The following NOL4 variants were observed in gnomAD, a reference collection of about 807,000 sequenced individuals.
NOL4 encodes cancer/testis antigen 125.
Under a neutral mutation model 75.9 loss-of-function variants are expected in NOL4, and 17 were observed. That is an observed-to-expected ratio of 0.22 (90% CI 0.15 to 0.34). The LOEUF is 0.34. Among genes scored for constraint, NOL4 ranks in the 10% least tolerant of loss-of-function variants. The pLI is 1.00. For synonymous variants in NOL4, 292 were observed against 289.9 expected, an observed-to-expected ratio of 1.01 and a Z score of -0.07; for missense variants, 614 against 793.5, an observed-to-expected ratio of 0.77 and a Z score of 2.72.
At chr18:33,927,721 T>TA (rs1347671277) in intron 9 of NOL4, among the ~76,000 whole-genome samples, 2 of 151,768 alleles carry the variant, frequency 1.3e-5, no homozygotes, top group Admixed American at 6.6e-5. Flanking sequence ...AAAATACAAG[T>TA]AAAAAAAAGT....
chr18:34,094,286 G>A lies in NOL4; in HGVS notation c.640-689C>T, dbSNP rs1365673380. Among the ~76,000 whole-genome samples the A allele has an allele frequency of 2.0e-5, 3 of 152,088 alleles. 1 individual carries two copies. Among genetic ancestry groups the A allele is most frequent in the African/African-American group, 7.2e-5 (3 of 41,426 alleles). On this transcript the variant is annotated intron_variant, in intron 4 of 10. Transcript: ENST00000261592. ...ATAAAAAAATTTTCATTGGCAAACA[G>A]GATAGATTCTAATATAGCCAACTTA...
intron 8 of NOL4, among the ~76,000 whole-genome samples, chr18:33,952,407 G>A (rs1023485812): frequency 5.3e-5 from 8 of 152,106 alleles, no homozygotes; most frequent in Admixed American, 5.2e-4. Flanking sequence ...ATGAACTAAG[G>A]TTTGAAAGAA....
intron 6 of NOL4, among the ~76,000 whole-genome samples, chr18:33,986,150 C>T (rs1224981549): frequency 6.6e-6 from 1 of 151,994 alleles, no homozygotes; most frequent in African/African-American, 2.4e-5. Flanking sequence ...CTTTATGAGG[C>T]AAACCATGTT....
intron 10 of NOL4, among the ~76,000 whole-genome samples, chr18:33,861,891 A>C (rs888031504): frequency 1.3e-5 from 2 of 152,102 alleles, no homozygotes; most frequent in East Asian, 1.9e-4. Context: ...GCTACCAATG[A>C]CTTTCTTCAC....
At chr18:34,194,880 C>T (rs1319699596) in intron 1 of NOL4, among the ~76,000 whole-genome samples, 3 of 151,628 alleles carry the variant, frequency 2.0e-5, no homozygotes, top group East Asian at 1.9e-4. Flanking sequence ...CAAAATTAGC[C>T]GGGCGTGGTA....
intron 9 of NOL4, among the ~76,000 whole-genome samples, chr18:33,930,778 A>G (rs1046656857): frequency 6.6e-6 from 1 of 152,246 alleles, no homozygotes; most frequent in Middle Eastern, 3.4e-3. Flanking sequence ...CAGAAATTTA[A>G]TTTATGATAG....
chr18:34,129,153 G>T (rs1201593267), intron 2 of NOL4, among the ~76,000 whole-genome samples: 1 of 151,772 alleles, frequency 6.6e-6, no homozygotes, highest in African/African-American at 2.4e-5. Flanking sequence ...AAAGTGTCTA[G>T]ATCAAACTGT....
chr18:34,211,969 G>A (rs1343228754), intron 1 of NOL4, among the ~76,000 whole-genome samples: 1 of 151,722 alleles, frequency 6.6e-6, no homozygotes, highest in African/African-American at 2.4e-5. Context: ...ATTATAGAAT[G>A]GTTATTTCTA....
chr18:34,173,611 C>G (rs774498194), intron 1 of NOL4, among the ~76,000 whole-genome samples: 25 of 152,142 alleles, frequency 1.6e-4, no homozygotes, highest in Non-Finnish European at 3.2e-4. Flanking sequence ...AGGAAAAAAT[C>G]AATTTCCCTC....
chr18:34,115,377 C>A (rs1234412352), intron 2 of NOL4, among the ~76,000 whole-genome samples: 1 of 152,074 alleles, frequency 6.6e-6, no homozygotes, highest in Non-Finnish European at 1.5e-5. Flanking sequence ...TAGCTCCCTG[C>A]AACCTCAAAG....
intron 8 of NOL4, among the ~76,000 whole-genome samples, chr18:33,943,397 T>C (rs987773168): frequency 1.3e-5 from 2 of 151,986 alleles, no homozygotes; most frequent in Non-Finnish European, 2.9e-5. Context: ...AGATCCATCA[T>C]TCATTCCCAT....
chr18:34,097,705 G>A (rs909096009), intron 4 of NOL4, among the ~76,000 whole-genome samples: 2 of 152,092 alleles, frequency 1.3e-5, no homozygotes, highest in African/African-American at 4.8e-5. Flanking sequence ...CTTAGGCAGT[G>A]CATAACTGAC....
rs879423963 is a variant in NOL4, at chr18:34,214,324, G to A, written c.264+8666C>T. On this transcript the variant is annotated intron_variant, in intron 1 of 10. Transcript: ENST00000261592. Reference sequence around the variant, plus strand: ...TACTTTTAAATATAGTTTATAATGGGTTAAGTATTGGTAGAGTGTTATATA... The same window carrying A: ...TACTTTTAAATATAGTTTATAATGGATTAAGTATTGGTAGAGTGTTATATA... Among the ~76,000 whole-genome samples, 4 of 139,618 alleles carry A rather than the reference G, an allele frequency of 2.9e-5. No homozygotes were observed. In the South Asian group the frequency reaches 9.4e-4, roughly 33 times the overall value. The allele number at this position is 139,618 out of a possible 152,430, so 91.6% of individuals were successfully genotyped here.
At chr18:34,195,783 T>C (rs530213997) in intron 1 of NOL4, among the ~76,000 whole-genome samples, 1 of 152,252 alleles carries the variant, frequency 6.6e-6, no homozygotes, top group African/African-American at 2.4e-5. Flanking sequence ...TACCTGAAAG[T>C]TTAAAAAATG....
intron 9 of NOL4, among the ~76,000 whole-genome samples, chr18:33,916,114 G>A (rs2066706844): frequency 6.6e-6 from 1 of 152,098 alleles, no homozygotes; most frequent in Admixed American, 6.6e-5. Context: ...CTATTTTCAG[G>A]GAGAGTGTAA....
chr18:33,939,264 T>A (rs529334421), intron 9 of NOL4, among the ~76,000 whole-genome samples: 18 of 152,114 alleles, frequency 1.2e-4, no homozygotes, highest in Non-Finnish European at 2.4e-4. Flanking sequence ...ATATGGGCTC[T>A]TTTTTGGTTC....
chr18:33,953,686 G>T (rs2069417125), intron 8 of NOL4, among the ~76,000 whole-genome samples: 1 of 152,164 alleles, frequency 6.6e-6, no homozygotes, highest in South Asian at 2.1e-4. Context: ...TGGAATATCA[G>T]TGGAGAAAAT....
At chr18:34,031,467 G>A (rs1444415374) in intron 5 of NOL4, among the ~76,000 whole-genome samples, 1 of 152,148 alleles carries the variant, frequency 6.6e-6, no homozygotes, top group Admixed American at 6.5e-5. Context: ...TCACTGATAT[G>A]TACCAGCAGT....
At chr18:33,880,305 CTGTG>C (rs61306180) in intron 10 of NOL4, among the ~76,000 whole-genome samples, 2,531 of 144,390 alleles carry the variant, frequency 0.018, 31 homozygotes, top group African/African-American at 0.036. Context: ...CAAAAGGGGT[CTGTG>C]TGTGTGTGTG....
Sources: gnomAD v4.1 joint callset for allele counts (sites outside exome capture counted in the v4.1 genomes callset) on GRCh38, gnomAD v4.1.1 for gene constraint, MANE v1.5 for transcripts, NCBI Gene and HGNC (gene_info 2026-07-23, HGNC 2026-07-21) for gene names.